The following CNTNAP5 variants were observed in gnomAD, a reference collection of about 807,000 sequenced individuals.
CNTNAP5 encodes the protein contactin-associated protein-like 5.
In CNTNAP5, 72 loss-of-function variants were observed where a neutral mutation model predicts 150.2. The observed-to-expected ratio is 0.48, with a 90% CI of 0.40 to 0.58. The LOEUF is 0.58. Among genes scored for constraint, CNTNAP5 ranks in the 20% least tolerant of loss-of-function variants. The pLI is 0.00. For synonymous variants in CNTNAP5, 672 were observed against 619.8 expected, an observed-to-expected ratio of 1.08 and a Z score of -1.25; for missense variants, 1,636 against 1,626.2, an observed-to-expected ratio of 1.01 and a Z score of -0.10.
At position 124,918,758 on chromosome 2, in the gene CNTNAP5, G is replaced by C. The variant is rs1395708854; in HGVS notation, c.*4470G>C. Among the ~76,000 whole-genome samples the C allele has an allele frequency of 6.6e-6, 1 of 152,006 alleles. No homozygotes were observed. The highest frequency in any genetic ancestry group is 2.4e-5 in the African/African-American group (1 of 41,392). ...TAATGAAAAGGCTTGGACATACTTAGTCCTCAATTATCCTACAGGTCATGT... is the reference window on the plus strand; with the variant it reads ...TAATGAAAAGGCTTGGACATACTTACTCCTCAATTATCCTACAGGTCATGT... On this transcript the variant is annotated 3_prime_UTR_variant, in exon 24 of 24. Coordinates refer to ENST00000682447, the MANE Select transcript of CNTNAP5 (RefSeq NM_001367498.1).
At chr2:124,401,562 A>G (rs537201988) in intron 3 of CNTNAP5, among the ~76,000 whole-genome samples, 19 of 152,354 alleles carry the variant, frequency 1.2e-4, no homozygotes, top group South Asian at 1.0e-3. Context: ...TGTTAAAGCC[A>G]TAAATAGGCA....
intron 13 of CNTNAP5, among the ~76,000 whole-genome samples, chr2:124,659,437 A>T (rs899853642): frequency 1.3e-5 from 2 of 152,182 alleles, no homozygotes; most frequent in African/African-American, 4.8e-5. Flanking sequence ...ATAAAAAAAT[A>T]AAAAAATAAA....
At chr2:124,368,507 G>A (rs559630370) in intron 3 of CNTNAP5, among the ~76,000 whole-genome samples, 120 of 152,022 alleles carry the variant, frequency 7.9e-4, no homozygotes, top group South Asian at 1.7e-3. Context: ...ACTTCACATG[G>A]ACAAACTCAT....
intron 19 of CNTNAP5, among the ~76,000 whole-genome samples, chr2:124,853,614 ACTT>A (rs1258247263): frequency 1.3e-5 from 2 of 152,072 alleles, no homozygotes; most frequent in African/African-American, 4.8e-5. Flanking sequence ...CTTCTACAAA[ACTT>A]CTTCCCAGAC....
intron 7 of CNTNAP5, among the ~76,000 whole-genome samples, chr2:124,489,846 G>T (rs1693976641): frequency 6.6e-6 from 1 of 152,098 alleles, no homozygotes; most frequent in African/African-American, 2.4e-5. Flanking sequence ...CCTCCCAGCT[G>T]AGTCAGCTCC....
At chr2:124,572,014 T>C (rs191522017) in intron 11 of CNTNAP5, among the ~76,000 whole-genome samples, 2 of 152,326 alleles carry the variant, frequency 1.3e-5, no homozygotes, top group African/African-American at 4.8e-5. Context: ...AGTATTGGAA[T>C]GCACTGGAAT....
At position 124,575,224 on chromosome 2, in the gene CNTNAP5, A is replaced by G. The variant is rs185612240; in HGVS notation, c.1756+11901A>G. ...AAGCCTGAATATTGTGACTCTTTCC[A>G]AGATTCTTCAGATATATCATGCTCT... On this transcript the variant is annotated intron_variant, in intron 11 of 23. Coordinates refer to ENST00000682447, the MANE Select transcript of CNTNAP5 (RefSeq NM_001367498.1). Among the ~76,000 whole-genome samples, 21 of 152,316 alleles carry G rather than the reference A, an allele frequency of 1.4e-4. No homozygotes were observed. The East Asian group carries it at 3.5e-3, about 25-fold the overall frequency.
At chr2:124,353,286 CAAAA>C (rs565907115) in intron 3 of CNTNAP5, among the ~76,000 whole-genome samples, 974 of 88,290 alleles carry the variant, frequency 0.011, 9 homozygotes, top group African/African-American at 0.032. Context: ...AAAAACAGAC[CAAAA>C]AAAAAAAAAA....
At chr2:124,234,842 AAC>A (rs1380670793) in intron 2 of CNTNAP5, among the ~76,000 whole-genome samples, 4 of 152,158 alleles carry the variant, frequency 2.6e-5, no homozygotes, top group Non-Finnish European at 5.9e-5. Flanking sequence ...TCAAAATAAT[AAC>A]ACAGCTTTCT....
At chr2:124,238,263 T>C (rs1478284517) in intron 2 of CNTNAP5, among the ~76,000 whole-genome samples, 3 of 152,028 alleles carry the variant, frequency 2.0e-5, no homozygotes, top group African/African-American at 7.2e-5. Context: ...TACTTCCTAG[T>C]TTATGATCTT....
chr2:124,026,551 C>G (rs1680895384), intron 1 of CNTNAP5, among the ~76,000 whole-genome samples: 1 of 152,206 alleles, frequency 6.6e-6, no homozygotes. Context: ...ATCTCTGGAG[C>G]TATGAGAGGT....
chr2:124,898,317 T>C (rs963951829), intron 21 of CNTNAP5, among the ~76,000 whole-genome samples: 2 of 151,416 alleles, frequency 1.3e-5, no homozygotes, highest in African/African-American at 4.9e-5. Flanking sequence ...TCCAGAGCAA[T>C]GTCTGTTTTT....
intron 21 of CNTNAP5, among the ~76,000 whole-genome samples, chr2:124,887,377 T>C (rs1678102203): frequency 6.6e-6 from 1 of 152,040 alleles, no homozygotes; most frequent in African/African-American, 2.4e-5. Flanking sequence ...AAGGGGGAAA[T>C]GCTTGCACTC....
intron 1 of CNTNAP5, among the ~76,000 whole-genome samples, chr2:124,212,161 G>A (rs1247090569): frequency 6.6e-6 from 1 of 152,046 alleles, no homozygotes; most frequent in African/African-American, 2.4e-5. Context: ...AAAATATAAA[G>A]ACATCATCTC....
rs1678714588 is a variant in CNTNAP5 at position 124,914,184 on chromosome 2, C to T, written c.3820C>T (p.Gln1274Ter). 6.2e-7 allele frequency: 1 copy of T among 1,612,162 alleles called. No individual in the cohort carries two copies. Among genetic ancestry groups the T allele is most frequent in the Non-Finnish European group, 8.5e-7 (1 of 1,178,792 alleles). The change falls in exon 24 of 24, where the codon CAG becomes TAG. Residue 1274 changes from glutamine to a stop codon, truncating the protein, a stop_gained. Coordinates refer to ENST00000682447, the MANE Select transcript of CNTNAP5 (RefSeq NM_001367498.1). LOFTEE classifies it high-confidence loss of function. ...YQHKQSHRTS[Q>*]MKEKEYPENL... ...GCACAAGCAGTCACATCGTACGAGC[C>T]AGATGAAGGAGAAGGAATATCCAGA...
intron 1 of CNTNAP5, among the ~76,000 whole-genome samples, chr2:124,153,813 A>G (rs545720291): frequency 2.6e-5 from 4 of 151,740 alleles, no homozygotes; most frequent in African/African-American, 9.7e-5. Context: ...GTTTCACTAT[A>G]TGTTGGCCAG....
At chr2:124,387,992 T>C (rs1690973894) in intron 3 of CNTNAP5, among the ~76,000 whole-genome samples, 1 of 151,964 alleles carries the variant, frequency 6.6e-6, no homozygotes, top group Admixed American at 6.5e-5. Context: ...GGGAAAGTCA[T>C]TCTAAAGGGG....
chr2:124,044,897 C>CACAA (rs772683481), intron 1 of CNTNAP5, among the ~76,000 whole-genome samples: 7 of 80,984 alleles, frequency 8.6e-5, no homozygotes, highest in Non-Finnish European at 5.3e-5. Flanking sequence ...GAAACACACA[C>CACAA]ACACACACAC....
chr2:124,139,797 G>T (rs950651017), intron 1 of CNTNAP5, among the ~76,000 whole-genome samples: 1 of 152,134 alleles, frequency 6.6e-6, no homozygotes, highest in African/African-American at 2.4e-5. Flanking sequence ...CAAGATGGCC[G>T]AATAGGAACA....
Sources: allele counts gnomAD v4.1 joint callset (sites outside exome capture counted in the v4.1 genomes callset), GRCh38; gene constraint gnomAD v4.1.1; transcripts MANE v1.5; gene names NCBI Gene and HGNC (gene_info 2026-07-23, HGNC 2026-07-21).